Variants in ST6GALNAC3 observed in about 807,000 individuals in gnomAD.
ST6GALNAC3 encodes the protein alpha-N-acetylgalactosaminide alpha-2,6-sialyltransferase 3.
In ST6GALNAC3, 25 loss-of-function variants were observed where a neutral mutation model predicts 32.7. The ratio of observed to expected loss-of-function variants is 0.76; its 90% CI spans 0.56 to 1.07. The LOEUF (loss-of-function observed/expected upper bound fraction) is 1.07. ST6GALNAC3 is among the 50% of genes least tolerant of loss of function. ST6GALNAC3 has a pLI of 0.00. For missense variants in ST6GALNAC3, 355 were observed against 382.4 expected (o/e 0.93, Z 0.60); for synonymous variants, 129 against 133.1 (o/e 0.97, Z 0.21).
intron 1 of ST6GALNAC3, among the ~76,000 whole-genome samples, chr1:76,119,969 G>A (rs1012690573): frequency 1.3e-5 from 2 of 152,232 alleles, no homozygotes; most frequent in African/African-American, 4.8e-5. Context: ...GCACAGGCCT[G>A]CCTTGTATTC....
intron 3 of ST6GALNAC3, among the ~76,000 whole-genome samples, chr1:76,515,472 T>C (rs1040441887): frequency 1.3e-5 from 2 of 152,170 alleles, no homozygotes; most frequent in African/African-American, 4.8e-5. Context: ...TAGTTTCTTC[T>C]TGTTTGTCTA....
intron 2 of ST6GALNAC3, among the ~76,000 whole-genome samples, chr1:76,341,677 CTTTCCTTCTTTCTTTCTTTCTTTCT>C (rs1557803974): frequency 3.6e-5 from 5 of 139,872 alleles, no homozygotes; most frequent in African/African-American, 1.4e-4. Context: ...TTCTTTCTTT[CTTTCCTTCTTTCTTTCTTTCTTTCT>C]TTCCTTCTTT....
chr1:76,419,980 G>T (rs1276393218), intron 3 of ST6GALNAC3, among the ~76,000 whole-genome samples: 16 of 149,698 alleles, frequency 1.1e-4, no homozygotes, highest in Middle Eastern at 3.4e-3. Flanking sequence ...TCAAGGAGTG[G>T]AAAGTTTAAT....
chr1:76,148,023 C>A (rs1650797953), intron 1 of ST6GALNAC3, among the ~76,000 whole-genome samples: 1 of 152,154 alleles, frequency 6.6e-6, no homozygotes, highest in Non-Finnish European at 1.5e-5. Flanking sequence ...TCCTTTTAAG[C>A]TGAAAAAGGA....
rs373190723 is a variant in ST6GALNAC3, at chr1:76,317,870, T to C, written c.213+3871T>C. 3.9e-4 allele frequency among the ~76,000 whole-genome samples: 59 copies of C among 152,250 alleles called. 1 individual carries two copies. In the South Asian group the frequency reaches 6.2e-3, roughly 16 times the overall value. On this transcript the variant is annotated intron_variant, in intron 2 of 4. Coordinates refer to ENST00000328299, the MANE Select transcript of ST6GALNAC3 (RefSeq NM_152996.4). ...ATTAGGTCAAACATCTAGTGGACAC[T>C]GTGGAGTGTAGGGTTGCTTAGGAGC...
At chr1:76,374,768 C>G (rs772690045) in intron 2 of ST6GALNAC3, among the ~76,000 whole-genome samples, 1 of 152,160 alleles carries the variant, frequency 6.6e-6, no homozygotes, top group Non-Finnish European at 1.5e-5. Flanking sequence ...TATTGACACA[C>G]ATCCACCCAG....
chr1:76,113,500 A>AC (rs1333571937), intron 1 of ST6GALNAC3, among the ~76,000 whole-genome samples: 1 of 131,746 alleles, frequency 7.6e-6, no homozygotes, highest in Non-Finnish European at 1.7e-5. Context: ...GTTCTTACAT[A>AC]CTTTTTTTTG....
intron 1 of ST6GALNAC3, among the ~76,000 whole-genome samples, chr1:76,306,807 C>T (rs758143116): frequency 8.6e-5 from 13 of 151,760 alleles, no homozygotes; most frequent in Non-Finnish European, 1.6e-4. Flanking sequence ...AATAAAAAAA[C>T]TCATTGAGTT....
At chr1:76,098,875 A>T (rs755387864) in intron 1 of ST6GALNAC3, among the ~76,000 whole-genome samples, 2 of 152,122 alleles carry the variant, frequency 1.3e-5, no homozygotes, top group South Asian at 2.1e-4. Flanking sequence ...ATATTTTAGC[A>T]TATTAATGTC....
At chr1:76,363,846 C>G (rs1290839033) in intron 2 of ST6GALNAC3, among the ~76,000 whole-genome samples, 1 of 152,096 alleles carries the variant, frequency 6.6e-6, no homozygotes, top group Non-Finnish European at 1.5e-5. Flanking sequence ...GTGCTACACA[C>G]TTTTAAACAA....
At chr1:76,191,470 C>T (rs1653894528) in intron 1 of ST6GALNAC3, among the ~76,000 whole-genome samples, 2 of 151,946 alleles carry the variant, frequency 1.3e-5, no homozygotes, top group African/African-American at 4.8e-5. Context: ...AGAAGGGTGA[C>T]AGTGGTTAAC....
chr1:76,553,472 G>A (rs1003835590), intron 3 of ST6GALNAC3, among the ~76,000 whole-genome samples: 2 of 152,188 alleles, frequency 1.3e-5, no homozygotes, highest in Admixed American at 6.5e-5. Flanking sequence ...GGTTAATCAG[G>A]CTGGCCATTT....
intron 3 of ST6GALNAC3, among the ~76,000 whole-genome samples, chr1:76,490,498 AT>A: frequency 6.7e-6 from 1 of 149,650 alleles, no homozygotes; most frequent in East Asian, 1.9e-4. Flanking sequence ...ATATATCAAT[AT>A]ATTGTATAGA....
At chr1:76,457,236 C>T (rs1657886266) in intron 3 of ST6GALNAC3, among the ~76,000 whole-genome samples, 1 of 152,094 alleles carries the variant, frequency 6.6e-6, no homozygotes, top group Non-Finnish European at 1.5e-5. Flanking sequence ...ATTCCATGCT[C>T]ATGGATAGGA....
chr1:76,250,687 A>G (rs1354942019), intron 1 of ST6GALNAC3, among the ~76,000 whole-genome samples: 1 of 152,082 alleles, frequency 6.6e-6, no homozygotes, highest in Admixed American at 6.6e-5. Context: ...CACTTTTTCA[A>G]TTCAGCACAT....
chr1:76,096,506 C>T lies in ST6GALNAC3; in HGVS notation c.18+21622C>T, dbSNP rs1192797538. Among the ~76,000 whole-genome samples, 3 of 152,024 alleles carry T rather than the reference C, an allele frequency of 2.0e-5. No homozygotes were observed. In the East Asian group the frequency reaches 5.8e-4, roughly 29 times the overall value. On this transcript the variant is annotated intron_variant, in intron 1 of 4. Transcript: ENST00000328299. ...ATAGCTTTGCCTCTAATTGGCTTTT[C>T]AGTCCTTCACGCTGTAAAGCCCCCT...
chr1:76,462,737 A>G (rs890871749), intron 3 of ST6GALNAC3, among the ~76,000 whole-genome samples: 20 of 152,176 alleles, frequency 1.3e-4, no homozygotes, highest in African/African-American at 3.6e-4. Flanking sequence ...TTTAAGATGG[A>G]TAGATAGAGA....
At position 76,412,242 on chromosome 1, in the gene ST6GALNAC3, A is replaced by G; in HGVS notation, c.448A>G (p.Thr150Ala). ...TTATTTTTTCAAGGAAGCGAATACT[A>G]CTATTTATGTTATTTGGGGACCTTT... Reference protein sequence around the residue: ...PDYFFKEANTTIYVIWGPFRN... With the variant: ...PDYFFKEANTAIYVIWGPFRN... The change falls in exon 3 of 5, where the codon ACT (threonine) becomes GCT (alanine). Residue 150 changes from threonine to alanine, a missense_variant. Physicochemically the swap from Thr to Ala is moderately conservative, Grantham distance 58. Coordinates refer to ENST00000328299, the MANE Select transcript of ST6GALNAC3 (RefSeq NM_152996.4). 1 of 1,613,766 alleles carries G rather than the reference A, an allele frequency of 6.2e-7. No homozygotes were observed. Among genetic ancestry groups the G allele is most frequent in the Non-Finnish European group, 8.5e-7 (1 of 1,179,814 alleles).
chr1:76,276,792 ACTC>A (rs1659159073), intron 1 of ST6GALNAC3, among the ~76,000 whole-genome samples: 1 of 152,160 alleles, frequency 6.6e-6, no homozygotes, highest in Admixed American at 6.5e-5. Flanking sequence ...GAATATAAGA[ACTC>A]CTGTTTTTCC....
Sources: allele counts gnomAD v4.1 joint callset (sites outside exome capture counted in the v4.1 genomes callset), GRCh38; gene constraint gnomAD v4.1.1; transcripts MANE v1.5; gene names NCBI Gene and HGNC (gene_info 2026-07-23, HGNC 2026-07-21).